The following LONRF2 variants were observed in gnomAD, a reference collection of about 807,000 sequenced individuals.
LONRF2 encodes LON peptidase N-terminal domain and ring finger 2, also known as LON peptidase N-terminal domain and RING finger protein 2.
A neutral mutation model predicts 66.6 loss-of-function variants in LONRF2; 35 were observed. The ratio of observed to expected loss-of-function variants is 0.53; its 90% CI spans 0.40 to 0.70. The LOEUF (loss-of-function observed/expected upper bound fraction) is 0.70, where lower values mean the gene tolerates loss of function less well. Ranked by LOEUF, LONRF2 falls within the 30% of genes least tolerant of loss-of-function variation. The pLI, the probability that LONRF2 is intolerant of heterozygous loss-of-function variation, is 0.00. For missense variants in LONRF2, 902 were observed against 1,002.1 expected, an observed-to-expected ratio of 0.90 and a Z score of 1.35; for synonymous variants, 417 against 418.1, an observed-to-expected ratio of 1.00 and a Z score of 0.03.
In LONRF2 at chr2:100,277,289, C is replaced by G. The variant is rs1392453926; in HGVS notation, c.*7009G>C. 1 of 152,216 alleles carries G rather than the reference C, an allele frequency of 6.6e-6. No individual in the cohort carries two copies. The highest frequency in any genetic ancestry group is 1.9e-4 in the East Asian group (1 of 5,194). The allele number at this position is 152,216 out of a possible 1,614,324, so 9.4% of individuals were successfully genotyped here. On this transcript the variant is annotated 3_prime_UTR_variant, in exon 12 of 12. Coordinates refer to ENST00000393437, the MANE Select transcript of LONRF2 (RefSeq NM_198461.4). ...GGATGCAAGAAACTATCCCTCTCAG[C>G]CTCATGCTACCCTATTAAAGCAGTA...
At chr2:100,294,510 A>G (rs1675025769) in intron 8 of LONRF2, 123 bp from the exon 9 acceptor site, 1 of 818,722 alleles carries the variant, frequency 1.2e-6, no homozygotes, top group Non-Finnish European at 1.8e-6. Flanking sequence ...CAAAACCCTC[A>G]GGCTAAGAGG....
intron 2 of LONRF2, among the ~76,000 whole-genome samples, chr2:100,308,193 C>A (rs1967339): frequency 0.51 from 77,103 of 151,772 alleles, 19,924 homozygotes; most frequent in East Asian, 0.76. Flanking sequence ...CACAGTGAAA[C>A]CCTGTCTCTA....
chr2:100,280,632 T>A lies in LONRF2; in HGVS notation c.*3666A>T, dbSNP rs951481699. On this transcript the variant is annotated 3_prime_UTR_variant, in exon 12 of 12. Transcript: ENST00000393437. ...CTACTAAAAAAAAAAAATACAAAAA[T>A]TAGCTGGGTGTGGTGGCGCGTGCCT... 6.6e-6 allele frequency: 1 copy of A among 151,716 alleles called. No individual in the cohort carries two copies. Among genetic ancestry groups the A allele is most frequent in the African/African-American group, 2.4e-5 (1 of 41,200 alleles). The allele number at this position is 151,716 out of a possible 1,614,324, so 9.4% of individuals were successfully genotyped here. A position where few individuals can be genotyped will look rare whatever the true frequency, so the allele number is the denominator to read the frequency against.
intron 1 of LONRF2, among the ~76,000 whole-genome samples, chr2:100,310,792 G>A (rs1357348506): frequency 6.6e-6 from 1 of 152,098 alleles, no homozygotes; most frequent in East Asian, 1.9e-4. Context: ...GCAAACTGAA[G>A]GATATCATAT....
intron 9 of LONRF2, 102 bp downstream of exon 9, chr2:100,294,127 C>G (rs934087370): frequency 1.5e-6 from 2 of 1,361,398 alleles, no homozygotes; most frequent in African/African-American, 3.0e-5. Context: ...GTAACGGGAG[C>G]CACTGGAGGT....
At chr2:100,293,103 C>T (rs771796833) in intron 9 of LONRF2, among the ~76,000 whole-genome samples, 2 of 152,150 alleles carry the variant, frequency 1.3e-5, no homozygotes, top group Non-Finnish European at 2.9e-5. Flanking sequence ...CTTTTCTACA[C>T]GGATTCTAAA....
At chr2:100,285,294 C>G (rs1374539027) in intron 11 of LONRF2, among the ~76,000 whole-genome samples, 1 of 152,154 alleles carries the variant, frequency 6.6e-6, no homozygotes, top group Non-Finnish European at 1.5e-5. Flanking sequence ...CCAAAGCTCA[C>G]CAGGGGTAGC....
chr2:100,293,724 C>T (rs146800751), intron 9 of LONRF2, among the ~76,000 whole-genome samples: 62 of 152,252 alleles, frequency 4.1e-4, no homozygotes, highest in African/African-American at 1.3e-3. Context: ...AAAAGCTTTG[C>T]GCAGGATATA....
At chr2:100,316,378 T>G (rs1675508849) in intron 1 of LONRF2, among the ~76,000 whole-genome samples, 1 of 150,142 alleles carries the variant, frequency 6.7e-6, no homozygotes, top group Non-Finnish European at 1.5e-5. Context: ...ATTCTAATAA[T>G]TCTAATAATT....
rs377243552 is a variant in LONRF2, at chr2:100,284,351, G to A, written c.2212C>T (p.Arg738Cys). 8.2e-6 allele frequency: 13 copies of A among 1,591,608 alleles called. No homozygotes were observed. Among genetic ancestry groups the A allele is most frequent in the East Asian group, 2.3e-5 (1 of 44,212 alleles). Residue 738 changes from arginine (R) to cysteine (C), a missense_variant, in exon 12 of 12, where the codon CGT becomes TGT. Transcript: ENST00000393437. Reference protein sequence around the residue: ...AIRRILVIITRKMNSRQELAN... With the variant: ...AIRRILVIITCKMNSRQELAN... The stretch of plus-strand genomic sequence containing the variant: ...AGCTCTTGCCGACTATTCATCTTAC[G>A]CGTGATGATGACTAATATCCGTCGG...
In LONRF2 at chr2:100,302,942, A is replaced by G. The variant is rs980149629; in HGVS notation, c.900T>C (p.Ser300=). 6 of 1,605,238 alleles carry G rather than the reference A, an allele frequency of 3.7e-6. No homozygotes were observed. The highest frequency in any genetic ancestry group is 5.1e-6 in the Non-Finnish European group (6 of 1,175,568). Reference sequence around the variant, plus strand: ...ATACCTTCTGTGCTTCTTTCTTCACAGAGTTACATTCAGGATTCAGAGCAA... The same window carrying G: ...ATACCTTCTGTGCTTCTTTCTTCACGGAGTTACATTCAGGATTCAGAGCAA... ...YCLALNPECN[S]VKKEAQKVMC... is the part of the protein sequence containing the mutation. Residue 300 remains serine, a synonymous_variant, in exon 3 of 12, where the codon TCT becomes TCC. Transcript: ENST00000393437.
chr2:100,298,206 T>G (rs928667990), intron 7 of LONRF2, among the ~76,000 whole-genome samples: 2 of 152,214 alleles, frequency 1.3e-5, no homozygotes, highest in Middle Eastern at 3.2e-3. Context: ...CAGGAATTGA[T>G]CAGAAGGTCT....
chr2:100,316,555 A>G (rs1400433547), intron 1 of LONRF2, among the ~76,000 whole-genome samples: 4 of 152,108 alleles, frequency 2.6e-5, no homozygotes, highest in African/African-American at 7.2e-5. Flanking sequence ...TCTGGTTTCA[A>G]TCTTTTAATA....
intron 10 of LONRF2, among the ~76,000 whole-genome samples, chr2:100,287,364 C>T (rs746308047): frequency 4.9e-4 from 75 of 152,258 alleles, no homozygotes; most frequent in South Asian, 1.0e-3. Flanking sequence ...ATTTACTTAA[C>T]TATTCACGTA....
At position 100,274,081 on chromosome 2, in the gene LONRF2, A is replaced by C. The variant is rs1326179755; in HGVS notation, c.*10217T>G. The C allele has an allele frequency of 2.0e-5, 3 of 152,130 alleles. No individual in the cohort carries two copies. In the South Asian group the frequency reaches 6.2e-4, roughly 32 times the overall value. 9.4% of individuals were successfully genotyped at this position (152,130 alleles called of 1,614,324 possible). ...TTTGAAAATGATCCCTGAAAAGCAAAAGGTTAGAGATACTCATGTTGCAAA... is the reference window on the plus strand; with the variant it reads ...TTTGAAAATGATCCCTGAAAAGCAACAGGTTAGAGATACTCATGTTGCAAA... On this transcript the variant is annotated 3_prime_UTR_variant, in exon 12 of 12. Transcript: ENST00000393437.
intron 2 of LONRF2, among the ~76,000 whole-genome samples, chr2:100,306,807 C>G (rs186376659): frequency 4.6e-5 from 7 of 152,270 alleles, no homozygotes; most frequent in South Asian, 2.1e-4. Flanking sequence ...CTTCCCATCC[C>G]CTTACCTTAC....
In LONRF2 at chr2:100,300,650, G is replaced by C; in HGVS notation, c.1059C>G (p.Ser353Arg). 1.9e-6 allele frequency: 3 copies of C among 1,607,612 alleles called. No homozygotes were observed. Among genetic ancestry groups the C allele is most frequent in the Non-Finnish European group, 2.5e-6 (3 of 1,178,378 alleles). ...QALLEEGDAG[S>R]SENSSEKSDM... ...AAATGCATGCACGTCATACCTCCGA[G>C]CTCCCTGCATCACCTTCTTCCAGCA... is the stretch of plus-strand genomic sequence containing the variant. Residue 353 changes from serine to arginine, a missense_variant, in exon 4 of 12, where the codon AGC (serine) becomes AGG (arginine). Ser to Arg is a moderately radical substitution (Grantham distance 110). Around this residue, in one of 2 missense-constraint regions of LONRF2, gnomAD observed 585 missense variants for 569.9 expected, o/e 1.03. Transcript: ENST00000393437.
In LONRF2 at chr2:100,282,431, A is replaced by T. The variant is rs1363171790; in HGVS notation, c.*1867T>A. 1 of 152,218 alleles carries T rather than the reference A, an allele frequency of 6.6e-6. No homozygotes were observed. The highest frequency in any genetic ancestry group is 1.5e-5 in the Non-Finnish European group (1 of 68,036). The allele number at this position is 152,218 out of a possible 1,614,324, so 9.4% of individuals were successfully genotyped here. A position where few individuals can be genotyped will look rare whatever the true frequency, so the allele number is the denominator to read the frequency against. On this transcript the variant is annotated 3_prime_UTR_variant, in exon 12 of 12. Transcript: ENST00000393437. ...ATATGAAGGTACAAAAAAATTTTCCAAAAGGGAAAGGCAGAGAATGGTCAA... is the reference window on the plus strand; with the variant it reads ...ATATGAAGGTACAAAAAAATTTTCCTAAAGGGAAAGGCAGAGAATGGTCAA...
intron 1 of LONRF2, among the ~76,000 whole-genome samples, chr2:100,312,919 T>C (rs1559182464): frequency 6.6e-6 from 1 of 152,296 alleles, no homozygotes; most frequent in East Asian, 1.9e-4. Flanking sequence ...AGAAAACATA[T>C]GGAAGAAAAA....
Sources: gnomAD v4.1 joint callset for allele counts (sites outside exome capture counted in the v4.1 genomes callset) on GRCh38, gnomAD v4.1.1 for gene constraint, gnomAD v4.1.1 regional missense constraint, MANE v1.5 for transcripts, NCBI Gene and HGNC (gene_info 2026-07-23, HGNC 2026-07-21) for gene names.